THSD7B: variants seen among roughly 807,000 people sequenced by gnomAD.
THSD7B encodes thrombospondin type-1 domain-containing protein 7B.
A neutral mutation model predicts 213.6 loss-of-function variants in THSD7B; 138 were observed. That is an observed-to-expected ratio of 0.65 (90% CI 0.56 to 0.74). The LOEUF (loss-of-function observed/expected upper bound fraction) is 0.74. THSD7B is among the 30% of genes least tolerant of loss of function. The pLI is 0.00. For synonymous variants in THSD7B, 742 were observed against 687.0 expected (o/e 1.08, Z -1.25); for missense variants, 1,931 against 1,991.5 (o/e 0.97, Z 0.58).
chr2:136,912,309 G>A (rs1684273084), intron 2 of THSD7B, among the ~76,000 whole-genome samples: 1 of 118,768 alleles, frequency 8.4e-6, no homozygotes, highest in Non-Finnish European at 1.6e-5. Context: ...GTGACAGAGC[G>A]AGACTCCATC....
chr2:137,070,736 C>T (rs773459741), intron 3 of THSD7B, among the ~76,000 whole-genome samples: 1 of 151,850 alleles, frequency 6.6e-6, no homozygotes, highest in Admixed American at 6.6e-5. Flanking sequence ...CAACAATCCC[C>T]GGTGTATGAT....
intron 20 of THSD7B, among the ~76,000 whole-genome samples, chr2:137,627,923 G>T (rs1682662579): frequency 6.6e-6 from 1 of 152,346 alleles, no homozygotes; most frequent in Non-Finnish European, 1.5e-5. Flanking sequence ...GGTTTCCACT[G>T]GGGCATCCAC....
intron 12 of THSD7B, among the ~76,000 whole-genome samples, chr2:137,400,395 G>A (rs1340639659): frequency 6.6e-6 from 1 of 152,072 alleles, no homozygotes; most frequent in Non-Finnish European, 1.5e-5. Flanking sequence ...ATTGGGAGGA[G>A]CACTTTTTCC....
chr2:137,263,562 G>A (rs184818156), intron 10 of THSD7B, among the ~76,000 whole-genome samples: 2 of 152,134 alleles, frequency 1.3e-5, no homozygotes, highest in South Asian at 2.1e-4. Flanking sequence ...AGAATATAGA[G>A]TACATTTTTT....
intron 12 of THSD7B, among the ~76,000 whole-genome samples, chr2:137,284,182 T>G (rs1395365221): frequency 6.6e-6 from 1 of 152,168 alleles, no homozygotes; most frequent in East Asian, 1.9e-4. Flanking sequence ...CTAGTTTATT[T>G]GCGTAGAGGT....
chr2:137,065,271 C>G (rs1687354958), intron 3 of THSD7B, among the ~76,000 whole-genome samples: 1 of 151,898 alleles, frequency 6.6e-6, no homozygotes, highest in South Asian at 2.1e-4. Context: ...TTATTTGTAG[C>G]AATTGTCAGT....
intron 2 of THSD7B, among the ~76,000 whole-genome samples, chr2:136,989,623 C>T (rs116019422): frequency 0.017 from 2,521 of 152,186 alleles, 35 homozygotes; most frequent in Middle Eastern, 0.02. Flanking sequence ...TCCTTCATGG[C>T]GCACAAAACT....
intron 2 of THSD7B, chr2:136,906,367 A>G (rs1684161080): frequency 6.6e-6 from 1 of 152,202 alleles, no homozygotes. Context: ...TCATCTATAC[A>G]TCTATATCCA....
intron 10 of THSD7B, among the ~76,000 whole-genome samples, chr2:137,244,292 GT>G (rs1187664184): frequency 5.9e-5 from 9 of 152,196 alleles, no homozygotes; most frequent in Non-Finnish European, 1.0e-4. Flanking sequence ...ATTCATGAGA[GT>G]TTAGTACAAT....
chr2:137,139,263 A>G (rs987553387), intron 5 of THSD7B, among the ~76,000 whole-genome samples: 7 of 152,190 alleles, frequency 4.6e-5, no homozygotes, highest in Non-Finnish European at 7.4e-5. Flanking sequence ...AATTATTTTC[A>G]AGGAATGTTA....
At chr2:137,395,102 C>A (rs1036413775) in intron 12 of THSD7B, among the ~76,000 whole-genome samples, 1 of 142,788 alleles carries the variant, frequency 7.0e-6, no homozygotes, top group African/African-American at 2.6e-5. Flanking sequence ...ATCATGTCAT[C>A]TGCAAACAGG....
At chr2:137,129,358 G>T (rs1334258495) in intron 5 of THSD7B, among the ~76,000 whole-genome samples, 1 of 151,742 alleles carries the variant, frequency 6.6e-6, no homozygotes, top group Non-Finnish European at 1.5e-5. Flanking sequence ...AATGTTATTT[G>T]TTCTTTTTAT....
In THSD7B at chr2:137,057,131, A is replaced by G. The variant is rs1687183624; in HGVS notation, c.851A>G (p.Tyr284Cys). The change falls in exon 3 of 28, where the codon TAC becomes TGC. Residue 284 changes from tyrosine (Y) to cysteine (C), a missense_variant. Physicochemically the swap from Tyr to Cys is radical, Grantham distance 194. Coordinates refer to ENST00000409968, the MANE Select transcript of THSD7B (RefSeq NM_001316349.2). ...NERVTFKHQS[Y>C]KAHHHSKSWA... ...CGAGTCACCTTTAAACATCAAAGTT[A>G]CAAAGCACATCATCATTCGAAGTCT... is the stretch of plus-strand genomic sequence containing the variant. 6.2e-7 allele frequency: 1 copy of G among 1,614,048 alleles called. No homozygotes were observed.
chr2:136,940,956 C>T (rs1652450), intron 2 of THSD7B, among the ~76,000 whole-genome samples: 149,088 of 151,324 alleles, frequency 0.99, 73,488 homozygotes, highest in East Asian at 1. Flanking sequence ...GTTGCACCTA[C>T]TAACTCATCA....
At chr2:137,172,735 G>A (rs766070798) in intron 7 of THSD7B, among the ~76,000 whole-genome samples, 24 of 152,174 alleles carry the variant, frequency 1.6e-4, no homozygotes, top group Admixed American at 3.3e-4. Flanking sequence ...AAGCACAGGC[G>A]ACAGTCTGGG....
intron 14 of THSD7B, among the ~76,000 whole-genome samples, chr2:137,422,537 G>A (rs1161016334): frequency 6.6e-6 from 1 of 152,162 alleles, no homozygotes. Flanking sequence ...ATTGGGAATA[G>A]CGGTTCATTT....
Position 137,677,622 on chromosome 2 carries a change from A to C in THSD7B, c.*1017A>C, listed in dbSNP as rs1683733445. Reference sequence around the variant, plus strand: ...TTAAAAAGCTGAGACCATTTTATGAAGATAATTGTTTGTAATCATAGGTGT... The same window carrying C: ...TTAAAAAGCTGAGACCATTTTATGACGATAATTGTTTGTAATCATAGGTGT... On this transcript the variant is annotated 3_prime_UTR_variant, in exon 28 of 28. Coordinates refer to ENST00000409968, the MANE Select transcript of THSD7B (RefSeq NM_001316349.2). The C allele has an allele frequency of 6.6e-6, 1 of 152,636 alleles. No individual in the cohort carries two copies. Among genetic ancestry groups the C allele is most frequent in the Admixed American group, 6.5e-5 (1 of 15,280 alleles). 9.5% of individuals were successfully genotyped at this position (152,636 alleles called of 1,614,324 possible).
chr2:136,832,364 G>GT (rs1214017039), intron 1 of THSD7B, among the ~76,000 whole-genome samples: 2 of 152,092 alleles, frequency 1.3e-5, no homozygotes, highest in African/African-American at 4.8e-5. Context: ...GGGGTGGATG[G>GT]TTTAAGTCTC....
At chr2:137,147,732 G>A (rs922948167) in intron 5 of THSD7B, among the ~76,000 whole-genome samples, 1 of 152,100 alleles carries the variant, frequency 6.6e-6, no homozygotes, top group Admixed American at 6.5e-5. Flanking sequence ...TTCACCCCGT[G>A]GGCTAAAAGG....
Sources: gnomAD v4.1 joint callset for allele counts (sites outside exome capture counted in the v4.1 genomes callset) on GRCh38, gnomAD v4.1.1 for gene constraint, MANE v1.5 for transcripts, NCBI Gene and HGNC (gene_info 2026-07-23, HGNC 2026-07-21) for gene names.